SESN1: variants seen among roughly 807,000 people sequenced by gnomAD.
SESN1 encodes the protein sestrin 1, also known as sestrin-1.
Under a neutral mutation model 59.3 loss-of-function variants are expected in SESN1, and 30 were observed. The ratio of observed to expected loss-of-function variants is 0.51; its 90% CI spans 0.38 to 0.69. SESN1 has a LOEUF of 0.69. SESN1 is among the 30% of genes least tolerant of loss of function. The pLI is 0.00. For synonymous variants in SESN1, 197 were observed against 219.9 expected (o/e 0.90, Z 0.92); for missense variants, 566 against 673.0 (o/e 0.84, Z 1.76).
chr6:109,076,083 T>C (rs1334303937), intron 1 of SESN1, among the ~76,000 whole-genome samples: 1 of 152,220 alleles, frequency 6.6e-6, no homozygotes, highest in Non-Finnish European at 1.5e-5. Context: ...TTGAGCAAAC[T>C]TCCTAGTTCC....
In SESN1 at chr6:108,998,524, C is replaced by T. The variant is rs1447071069; in HGVS notation, c.961G>A (p.Glu321Lys). 6.2e-7 allele frequency: 1 copy of T among 1,613,784 alleles called. No individual in the cohort carries two copies. Among genetic ancestry groups the T allele is most frequent in the South Asian group, 1.1e-5 (1 of 91,062 alleles). Reference sequence around the variant, plus strand: ...CAAATAATACTTACAGAAACATTTTCTGCTGAGTTGACCGGCATCTCATCC... The same window carrying T: ...CAAATAATACTTACAGAAACATTTTTTGCTGAGTTGACCGGCATCTCATCC... ...SVDEMPVNSA[E>K]NVSVSDSFFE... is the part of the protein sequence containing the mutation. Residue 321 changes from glutamate (E) to lysine (K), a missense_variant, in exon 5 of 10, where the codon GAA (glutamate) becomes AAA (lysine). Physicochemically the swap from Glu to Lys is moderately conservative, Grantham distance 56. Coordinates refer to ENST00000436639, the MANE Select transcript of SESN1 (RefSeq NM_014454.3).
intron 6 of SESN1, among the ~76,000 whole-genome samples, chr6:108,993,868 C>T (rs995932456): frequency 2.0e-5 from 3 of 151,828 alleles, no homozygotes; most frequent in Non-Finnish European, 4.4e-5. Context: ...GTACAAACTG[C>T]CGTGCCCAAA....
chr6:108,989,543 A>ATCTC (rs1779310952), intron 8 of SESN1, among the ~76,000 whole-genome samples: 1 of 104,668 alleles, frequency 9.6e-6, no homozygotes, highest in Non-Finnish European at 2.0e-5. Flanking sequence ...AGATAGAGAT[A>ATCTC]TCTCTAGATC....
chr6:109,064,708 G>T, intron 1 of SESN1, among the ~76,000 whole-genome samples: 1 of 85,996 alleles, frequency 1.2e-5, no homozygotes, highest in African/African-American at 4.8e-5. Context: ...GAGGGAGAGA[G>T]ATGAAGGAAG....
intron 1 of SESN1, among the ~76,000 whole-genome samples, chr6:109,016,890 C>T (rs963862473): frequency 2.0e-5 from 3 of 151,948 alleles, no homozygotes; most frequent in Non-Finnish European, 4.4e-5. Context: ...GCAAATAACT[C>T]AGAAATACTA....
intron 1 of SESN1, among the ~76,000 whole-genome samples, chr6:109,061,570 G>C (rs1198557042): frequency 6.6e-6 from 1 of 152,172 alleles, no homozygotes; most frequent in Non-Finnish European, 1.5e-5. Context: ...CTGGGAGATG[G>C]AAGTGGGTGG....
At chr6:109,009,757 A>G (rs1446211256) in intron 1 of SESN1, among the ~76,000 whole-genome samples, 1 of 152,046 alleles carries the variant, frequency 6.6e-6, no homozygotes, top group Non-Finnish European at 1.5e-5. Context: ...ACGAACAGCT[A>G]ATTCTCAGGT....
rs1230286191 is a variant in SESN1 at position 109,093,907 on chromosome 6, G to C, written c.167C>G (p.Thr56Ser). The change falls in exon 1 of 10, where the codon ACC becomes AGC. Residue 56 changes from threonine (T) to serine (S), a missense_variant. By Grantham distance (58) the Thr-to-Ser change is moderately conservative. Coordinates refer to ENST00000436639, the MANE Select transcript of SESN1 (RefSeq NM_014454.3). ...PHRPSDGLSN[T>S]ESSDGLNKLL... ...CTTATTCAACCCATCCGAAGACTCG[G>C]TATTTGAAAGCCCGTCTGATGGACG... 38 of 1,614,072 alleles carry C rather than the reference G, an allele frequency of 2.4e-5. No homozygotes were observed. The highest frequency in any genetic ancestry group is 3.1e-5 in the Non-Finnish European group (37 of 1,180,052).
At chr6:109,008,057 A>G (rs1779770036) in intron 1 of SESN1, among the ~76,000 whole-genome samples, 1 of 152,190 alleles carries the variant, frequency 6.6e-6, no homozygotes, top group Non-Finnish European at 1.5e-5. Flanking sequence ...TAAAAATGAA[A>G]TACAACTATA....
At chr6:109,036,184 A>G (rs1780244725) in intron 1 of SESN1, among the ~76,000 whole-genome samples, 2 of 152,214 alleles carry the variant, frequency 1.3e-5, no homozygotes, top group Non-Finnish European at 1.5e-5. Context: ...TGGAATTCTC[A>G]GTTAAAATTT....
intron 1 of SESN1, among the ~76,000 whole-genome samples, chr6:109,077,116 T>C (rs1264671167): frequency 2.6e-5 from 4 of 152,202 alleles, no homozygotes; most frequent in African/African-American, 9.7e-5. Flanking sequence ...AGTAAAAATA[T>C]ATTATAATCT....
At chr6:109,037,632 T>C (rs1780269405) in intron 1 of SESN1, among the ~76,000 whole-genome samples, 1 of 152,210 alleles carries the variant, frequency 6.6e-6, no homozygotes, top group South Asian at 2.1e-4. Flanking sequence ...ATGAAGAAAT[T>C]GAGAACCAGA....
chr6:109,009,335 C>T, intron 1 of SESN1: 1 of 1,464,542 alleles, frequency 6.8e-7, no homozygotes, highest in South Asian at 1.3e-5. Context: ...ACCCAGCGGC[C>T]CGCTCAGCCC....
intron 8 of SESN1, among the ~76,000 whole-genome samples, chr6:108,989,462 G>T (rs1583256551): frequency 6.9e-6 from 1 of 144,486 alleles, no homozygotes; most frequent in East Asian, 2.0e-4. Flanking sequence ...TATATCTAGA[G>T]ATATAGAAAT....
intron 5 of SESN1, among the ~76,000 whole-genome samples, chr6:108,997,849 T>G (rs372915067): frequency 6.6e-6 from 1 of 152,176 alleles, no homozygotes; most frequent in African/African-American, 2.4e-5. Context: ...GAAGGAGATT[T>G]TGATTCATCA....
intron 1 of SESN1, among the ~76,000 whole-genome samples, chr6:109,085,904 T>C (rs990954241): frequency 6.6e-6 from 1 of 152,206 alleles, no homozygotes; most frequent in African/African-American, 2.4e-5. Flanking sequence ...TCAACTCTGT[T>C]CTTCCACAAA....
chr6:109,013,714 C>T (rs759070121), intron 1 of SESN1, among the ~76,000 whole-genome samples: 1 of 152,094 alleles, frequency 6.6e-6, no homozygotes, highest in Non-Finnish European at 1.5e-5. Flanking sequence ...GCCATTAAAC[C>T]AAAGAACTCC....
rs531473269 is a variant in SESN1, at chr6:109,073,244, C to T, written c.279+20551G>A. ...AAATCCAAGCATTTGAATGTAAGCT[C>T]TACGAGGGTAGTGATTTTTATCTAT... On this transcript the variant is annotated intron_variant, in intron 1 of 9. Transcript: ENST00000436639. 8.7e-4 allele frequency among the ~76,000 whole-genome samples: 133 copies of T among 152,234 alleles called. 1 individual carries two copies. Among genetic ancestry groups the T allele is most frequent in the African/African-American group, 3.2e-3 (133 of 41,542 alleles).
intron 1 of SESN1, among the ~76,000 whole-genome samples, chr6:109,060,987 A>G (rs987536302): frequency 3.0e-4 from 45 of 152,234 alleles, no homozygotes; most frequent in Non-Finnish European, 5.9e-5. Context: ...TTAAATGGTT[A>G]AATCAATACA....
Sources: gnomAD v4.1 joint callset for allele counts (sites outside exome capture counted in the v4.1 genomes callset) on GRCh38, gnomAD v4.1.1 for gene constraint, MANE v1.5 for transcripts, NCBI Gene and HGNC (gene_info 2026-07-23, HGNC 2026-07-21) for gene names.